Variants in IMMP2L observed in about 807,000 individuals in gnomAD.
IMMP2L encodes inner mitochondrial membrane peptidase subunit 2.
Under a neutral mutation model 19.3 loss-of-function variants are expected in IMMP2L, and 18 were observed. The observed-to-expected ratio is 0.93, with a 90% CI of 0.64 to 1.38. The LOEUF is 1.38. IMMP2L is among the 40% of genes most tolerant of loss of function. The pLI is 0.00. For synonymous variants in IMMP2L, 76 were observed against 73.0 expected (o/e 1.04, Z -0.21); for missense variants, 233 against 218.2 (o/e 1.07, Z -0.43).
intron 1 of IMMP2L, among the ~76,000 whole-genome samples, chr7:111,539,630 G>GT (rs1563332064): frequency 1.3e-5 from 2 of 149,052 alleles, no homozygotes; most frequent in African/African-American, 5.0e-5. Context: ...CTTTTTATCT[G>GT]GTTTTTTTTT....
chr7:110,749,280 T>C lies in IMMP2L; in HGVS notation c.409-85559A>G, dbSNP rs556621503. On this transcript the variant is annotated intron_variant, in intron 5 of 5. Coordinates refer to ENST00000405709, the MANE Select transcript of IMMP2L (RefSeq NM_032549.4). Reference sequence around the variant, plus strand: ...GAGAGGATGTGGAGAAATAGGAACGTTTTTACACTGTTGGTGGGAGTGTAA... The same window carrying C: ...GAGAGGATGTGGAGAAATAGGAACGCTTTTACACTGTTGGTGGGAGTGTAA... Among the ~76,000 whole-genome samples, 28 of 152,102 alleles carry C rather than the reference T, an allele frequency of 1.8e-4. 1 individual carries two copies. The South Asian group carries it at 5.8e-3, about 32-fold the overall frequency.
At chr7:111,206,970 C>T (rs566363962) in intron 3 of IMMP2L, among the ~76,000 whole-genome samples, 11 of 152,242 alleles carry the variant, frequency 7.2e-5, no homozygotes, top group South Asian at 4.1e-4. Flanking sequence ...CCATTTATCA[C>T]GCTTCAACTC....
intron 3 of IMMP2L, among the ~76,000 whole-genome samples, chr7:111,273,643 G>A (rs1462163781): frequency 6.6e-6 from 1 of 152,096 alleles, no homozygotes; most frequent in African/African-American, 2.4e-5. Flanking sequence ...CATTCCACCT[G>A]ATGAAGGAAC....
chr7:111,556,037 C>CATATATATATATATATATATATAT (rs1356609635), intron 1 of IMMP2L, among the ~76,000 whole-genome samples: 1 of 108,236 alleles, frequency 9.2e-6, no homozygotes, highest in African/African-American at 3.5e-5. Flanking sequence ...TATATATATA[C>CATATATATATATATATATATATAT]ATACCCAAAG....
intron 3 of IMMP2L, among the ~76,000 whole-genome samples, chr7:111,448,402 C>A (rs1026498040): frequency 2.6e-4 from 40 of 151,634 alleles, no homozygotes; most frequent in Non-Finnish European, 4.4e-4. Flanking sequence ...GGATTAAGAA[C>A]CTCACTAAAA....
rs573711407 is a variant in IMMP2L at position 111,208,844 on chromosome 7, A to T, written c.240-245279T>A. ...GTTTCATGATTGCTAATATGTTATCATTACTCAAATAATTAGACTTGGGAG... is the reference window on the plus strand; with the variant it reads ...GTTTCATGATTGCTAATATGTTATCTTTACTCAAATAATTAGACTTGGGAG... On this transcript the variant is annotated intron_variant, in intron 3 of 5. Transcript: ENST00000405709. 4.5e-4 allele frequency among the ~76,000 whole-genome samples: 68 copies of T among 152,244 alleles called. 1 individual carries two copies. In the South Asian group the frequency reaches 8.7e-3, roughly 19 times the overall value.
Position 111,184,928 on chromosome 7 carries a change from T to C in IMMP2L, c.240-221363A>G, listed in dbSNP as rs1442435898. On this transcript the variant is annotated intron_variant, in intron 3 of 5. Coordinates refer to ENST00000405709, the MANE Select transcript of IMMP2L (RefSeq NM_032549.4). Reference sequence around the variant, plus strand: ...AATAAGTTAGTAAGTATAAAAAAGTTTTGAATCCAATAAATATCCTGCTAA... The same window carrying C: ...AATAAGTTAGTAAGTATAAAAAAGTCTTGAATCCAATAAATATCCTGCTAA... Among the ~76,000 whole-genome samples, 2 of 152,264 alleles carry C rather than the reference T, an allele frequency of 1.3e-5. 1 individual carries two copies. Among genetic ancestry groups the C allele is most frequent in the African/African-American group, 4.8e-5 (2 of 41,550 alleles).
chr7:111,392,133 C>A, intron 3 of IMMP2L: 2 of 614,256 alleles, frequency 3.3e-6, no homozygotes, highest in Admixed American at 2.7e-5. Context: ...GGACCTCAGA[C>A]AACAACATAC....
At position 111,425,656 on chromosome 7, in the gene IMMP2L, T is replaced by A. The variant is rs575399722; in HGVS notation, c.239+61582A>T. Among the ~76,000 whole-genome samples, 19 of 151,170 alleles carry A rather than the reference T, an allele frequency of 1.3e-4. No individual in the cohort carries two copies. In the South Asian group the frequency reaches 3.9e-3, roughly 31 times the overall value. On this transcript the variant is annotated intron_variant, in intron 3 of 5. Transcript: ENST00000405709. The stretch of plus-strand genomic sequence containing the variant: ...TTTGACTTCTCTGTATGTTTGAAAA[T>A]TTCCATAATAAAATACATTTTCAAA...
rs36095137 is a variant in IMMP2L, at chr7:111,298,758, C to CA, written c.239+188479dup. The stretch of plus-strand genomic sequence containing the variant: ...TGGGTGACAGAGCGAGACTCTGCCT[C>CA]AAAAAAAAAAAAAAGCAGCCGATCT... On this transcript the variant is annotated intron_variant, in intron 3 of 5. Coordinates refer to ENST00000405709, the MANE Select transcript of IMMP2L (RefSeq NM_032549.4). 3.1e-3 allele frequency among the ~76,000 whole-genome samples: 360 copies of CA among 116,006 alleles called. 2 individuals carry two copies. The highest frequency in any genetic ancestry group is 0.022 in the East Asian group (98 of 4,368). 76.1% of individuals were successfully genotyped at this position (116,006 alleles called of 152,430 possible). A position where few individuals can be genotyped will look rare whatever the true frequency, so the allele number is the denominator to read the frequency against.
chr7:110,891,602 G>A (rs1810808067), intron 4 of IMMP2L, among the ~76,000 whole-genome samples: 1 of 151,764 alleles, frequency 6.6e-6, no homozygotes, highest in Admixed American at 6.6e-5. Flanking sequence ...TTCAAATACT[G>A]GATTTATGAA....
intron 4 of IMMP2L, among the ~76,000 whole-genome samples, chr7:110,958,431 T>C (rs1268055086): frequency 6.6e-6 from 1 of 152,072 alleles, no homozygotes; most frequent in Admixed American, 6.6e-5. Context: ...ATTTCCATAA[T>C]TTCAAACAAA....
chr7:111,499,238 A>C (rs1460938023), intron 2 of IMMP2L, among the ~76,000 whole-genome samples: 1 of 152,150 alleles, frequency 6.6e-6, no homozygotes, highest in Non-Finnish European at 1.5e-5. Flanking sequence ...AGGCCAAGTC[A>C]AGAATCAGCA....
At chr7:111,124,640 A>T in intron 3 of IMMP2L, 3 of 1,614,044 alleles carry the variant, frequency 1.9e-6, no homozygotes, top group Non-Finnish European at 8.5e-7. Flanking sequence ...GAGTATGAAA[A>T]GAATAATACC....
intron 5 of IMMP2L, among the ~76,000 whole-genome samples, chr7:110,805,073 A>G (rs1275190356): frequency 6.6e-6 from 1 of 152,144 alleles, no homozygotes; most frequent in Non-Finnish European, 1.5e-5. Context: ...TAGATGCTAC[A>G]TTGAATTATT....
intron 3 of IMMP2L, among the ~76,000 whole-genome samples, chr7:110,982,295 A>G (rs970368209): frequency 1.3e-5 from 2 of 152,172 alleles, no homozygotes; most frequent in African/African-American, 4.8e-5. Flanking sequence ...CACATATCCA[A>G]GTACACACCT....
chr7:111,180,800 T>C (rs1358355805), intron 3 of IMMP2L, among the ~76,000 whole-genome samples: 2 of 152,092 alleles, frequency 1.3e-5, no homozygotes, highest in African/African-American at 4.8e-5. Context: ...TTTGGCTGTT[T>C]ATGGAATATG....
chr7:111,221,989 G>A (rs1350964531), intron 3 of IMMP2L, among the ~76,000 whole-genome samples: 1 of 151,964 alleles, frequency 6.6e-6, no homozygotes, highest in Non-Finnish European at 1.5e-5. Context: ...TCAGCAGGGG[G>A]ATGATGGGGG....
rs527376365 is a variant in IMMP2L, at chr7:111,328,316, G to C, written c.239+158922C>G. ...GAAAAATAATTTAAACAATATGACT[G>C]CAATTATGACATATTACAATGAAAT... On this transcript the variant is annotated intron_variant, in intron 3 of 5. Transcript: ENST00000405709. Among the ~76,000 whole-genome samples the C allele has an allele frequency of 3.3e-5, 5 of 151,762 alleles. No individual in the cohort carries two copies. The South Asian group carries it at 1.0e-3, about 32-fold the overall frequency.
Sources: gnomAD v4.1 joint callset for allele counts (sites outside exome capture counted in the v4.1 genomes callset) on GRCh38, gnomAD v4.1.1 for gene constraint, MANE v1.5 for transcripts, NCBI Gene and HGNC (gene_info 2026-07-23, HGNC 2026-07-21) for gene names.